AFF3: variants seen among roughly 807,000 people sequenced by gnomAD.
AFF3 encodes AF4/FMR2 family member 3.
In AFF3, 32 loss-of-function variants were observed where a neutral mutation model predicts 129.7. That is an observed-to-expected ratio of 0.25 (90% CI 0.19 to 0.33). AFF3 has a LOEUF of 0.33. AFF3 is among the 10% of genes least tolerant of loss of function. The pLI, the probability that AFF3 is intolerant of heterozygous loss-of-function variation, is 1.00. For synonymous variants in AFF3, 644 were observed against 635.4 expected (o/e 1.01, Z -0.20); for missense variants, 1,373 against 1,592.0 (o/e 0.86, Z 2.34).
chr2:99,983,989 A>C (rs187222900), intron 7 of AFF3, among the ~76,000 whole-genome samples: 285 of 152,310 alleles, frequency 1.9e-3, no homozygotes, highest in Non-Finnish European at 3.0e-3. Flanking sequence ...CATAAAACAA[A>C]AAATAAAATA....
At chr2:100,121,919 G>A (rs530600286) in intron 2 of AFF3, among the ~76,000 whole-genome samples, 74 of 152,030 alleles carry the variant, frequency 4.9e-4, no homozygotes, top group Admixed American at 3.5e-3. Context: ...AAAATTAGCC[G>A]GGCGCGGTGG....
intron 11 of AFF3, among the ~76,000 whole-genome samples, chr2:99,701,169 C>T (rs1033352062): frequency 7.9e-5 from 12 of 151,990 alleles, no homozygotes; most frequent in Non-Finnish European, 1.2e-4. Context: ...TGGGTGTGTG[C>T]GCAAGGTGGC....
At chr2:99,593,148 GC>G (rs749389687) in intron 15 of AFF3, 46 bp downstream of exon 15, 1 of 1,522,386 alleles carries the variant, frequency 6.6e-7, no homozygotes, top group Non-Finnish European at 8.8e-7. Flanking sequence ...TTAAGAGATA[GC>G]CCCTTCCCCT....
intron 18 of AFF3, among the ~76,000 whole-genome samples, chr2:99,572,951 C>T (rs553868328): frequency 2.0e-5 from 3 of 152,246 alleles, no homozygotes; most frequent in South Asian, 4.1e-4. Flanking sequence ...CCGGGCTTCT[C>T]CCAGGCACAA....
intron 7 of AFF3, among the ~76,000 whole-genome samples, chr2:99,932,223 TC>T (rs1674050714): frequency 6.6e-6 from 1 of 152,168 alleles, no homozygotes; most frequent in Middle Eastern, 3.2e-3. Flanking sequence ...TTTTTTTAGC[TC>T]ATCAGCTATT....
At chr2:99,566,252 GTT>G (rs61010874) in intron 19 of AFF3, among the ~76,000 whole-genome samples, 1 of 138,190 alleles carries the variant, frequency 7.2e-6, no homozygotes, top group Non-Finnish European at 1.6e-5. Flanking sequence ...GGCCTCAATT[GTT>G]TTTTTTTTTT....
intron 12 of AFF3, among the ~76,000 whole-genome samples, chr2:99,660,569 G>A (rs1216892072): frequency 6.6e-6 from 1 of 152,152 alleles, no homozygotes; most frequent in Non-Finnish European, 1.5e-5. Context: ...AAGTGCTTTC[G>A]CATGTAATGT....
At chr2:99,769,166 G>A (rs1018461924) in intron 8 of AFF3, among the ~76,000 whole-genome samples, 49 of 152,030 alleles carry the variant, frequency 3.2e-4, no homozygotes, top group Non-Finnish European at 2.9e-5. Flanking sequence ...TTATACCTGT[G>A]CCTCACTGTT....
intron 8 of AFF3, among the ~76,000 whole-genome samples, chr2:99,758,853 C>T (rs1384527140): frequency 6.6e-6 from 1 of 152,164 alleles, no homozygotes; most frequent in Non-Finnish European, 1.5e-5. Flanking sequence ...TACTCCCAGT[C>T]CAGTATTTGT....
At chr2:100,078,693 C>T (rs1280616144) in intron 4 of AFF3, among the ~76,000 whole-genome samples, 3 of 152,028 alleles carry the variant, frequency 2.0e-5, no homozygotes, top group East Asian at 3.9e-4. Context: ...ATTATATAGC[C>T]GTCCCTTGGT....
intron 13 of AFF3, among the ~76,000 whole-genome samples, chr2:99,615,322 A>C (rs960475903): frequency 2.0e-5 from 3 of 152,218 alleles, no homozygotes; most frequent in Non-Finnish European, 4.4e-5. Context: ...TGCACCACAC[A>C]GCTTGGCAAG....
intron 7 of AFF3, among the ~76,000 whole-genome samples, chr2:99,999,528 C>A (rs927721654): frequency 6.6e-6 from 1 of 152,150 alleles, no homozygotes; most frequent in African/African-American, 2.4e-5. Context: ...AACTTATAAT[C>A]TAGTGAAATT....
chr2:99,848,532 A>G (rs1488568691), intron 7 of AFF3, among the ~76,000 whole-genome samples: 1 of 152,200 alleles, frequency 6.6e-6, no homozygotes, highest in African/African-American at 2.4e-5. Context: ...TTCTGCACCA[A>G]GAATTTACCT....
intron 9 of AFF3, among the ~76,000 whole-genome samples, chr2:99,744,764 A>C (rs1023213657): frequency 9.9e-5 from 15 of 152,258 alleles, no homozygotes; most frequent in African/African-American, 3.6e-4. Context: ...GATATACAAC[A>C]ATGTGTTTAT....
At position 100,050,142 on chromosome 2, in the gene AFF3, G is replaced by A. The variant is rs186129382; in HGVS notation, c.54-41210C>T. Among the ~76,000 whole-genome samples the A allele has an allele frequency of 3.6e-3, 531 of 149,158 alleles. 1 individual carries two copies. Among genetic ancestry groups the A allele is most frequent in the African/African-American group, 0.013 (508 of 40,514 alleles). On this transcript the variant is annotated intron_variant, in intron 4 of 24. Transcript: ENST00000672756. ...CAAGAGAATTGCTTGAACCAGGGGT[G>A]AGCCGAGATCACACCACTGCACTCC...
intron 2 of AFF3, chr2:100,105,847 T>G: frequency 2.2e-6 from 3 of 1,339,098 alleles, no homozygotes; most frequent in Non-Finnish European, 3.0e-6. Context: ...CTCAGAGCCC[T>G]GCAGTTGTGC....
chr2:100,064,281 T>TC (rs1687543543), intron 4 of AFF3, among the ~76,000 whole-genome samples: 1 of 152,046 alleles, frequency 6.6e-6, no homozygotes, highest in Non-Finnish European at 1.5e-5. Flanking sequence ...CACCTACCCC[T>TC]CCTCTACTCC....
chr2:99,731,104 CA>C (rs1177242034), intron 10 of AFF3, among the ~76,000 whole-genome samples: 3 of 151,992 alleles, frequency 2.0e-5, no homozygotes, highest in Admixed American at 2.0e-4. Flanking sequence ...ATTACAGCTG[CA>C]TGCCAAAACA....
intron 8 of AFF3, among the ~76,000 whole-genome samples, chr2:99,805,813 T>TACACACAC (rs3072357): frequency 0.11 from 16,085 of 142,728 alleles, 1,051 homozygotes; most frequent in East Asian, 0.2. Flanking sequence ...GCAGGAGTCT[T>TACACACAC]ACACACACAC....
Sources: allele counts gnomAD v4.1 joint callset (sites outside exome capture counted in the v4.1 genomes callset), GRCh38; gene constraint gnomAD v4.1.1; transcripts MANE v1.5; gene names NCBI Gene and HGNC (gene_info 2026-07-23, HGNC 2026-07-21).